EFHD1: variants seen among roughly 807,000 people sequenced by gnomAD.
EFHD1 encodes the protein EF-hand domain family member D1.
A neutral mutation model predicts 17.2 loss-of-function variants in EFHD1; 10 were observed. The observed-to-expected ratio is 0.58, with a 90% CI of 0.36 to 0.99. The LOEUF is 0.99. Ranked by LOEUF, EFHD1 falls within the 50% of genes least tolerant of loss-of-function variation. The pLI, the probability that EFHD1 is intolerant of heterozygous loss-of-function variation, is 0.01. For missense variants in EFHD1, 310 were observed against 327.5 expected (o/e 0.95, Z 0.41); for synonymous variants, 153 against 142.0 (o/e 1.08, Z -0.55).
intron 1 of EFHD1, among the ~76,000 whole-genome samples, chr2:232,658,877 T>A (rs1329786268): frequency 6.6e-6 from 1 of 152,100 alleles, no homozygotes; most frequent in Admixed American, 6.6e-5. Flanking sequence ...CACTGTACAG[T>A]GAATTTTATG....
At chr2:232,657,894 C>CTTTTTTTTT (rs1165865773) in intron 1 of EFHD1, among the ~76,000 whole-genome samples, 2 of 118,684 alleles carry the variant, frequency 1.7e-5, no homozygotes, top group South Asian at 2.8e-4. Context: ...ATTTTTCTTT[C>CTTTTTTTTT]TTTTCTTTTT....
chr2:232,626,115 C>T lies in EFHD1; in HGVS notation c.14+19942C>T, dbSNP rs1688749000. Among the ~76,000 whole-genome samples, 4 of 152,110 alleles carry T rather than the reference C, an allele frequency of 2.6e-5. No individual in the cohort carries two copies. The South Asian group carries it at 8.3e-4, about 32-fold the overall frequency. ...GCTAAGGTAGGAGGATTGCTTGATC[C>T]CGGGAGGTTGAGGCTGCAGTGAGCC... On this transcript the variant is annotated intron_variant, in intron 1 of 3. Coordinates refer to the EFHD1 transcript ENST00000409613.
chr2:232,625,337 C>T lies in EFHD1; in HGVS notation c.14+19164C>T, dbSNP rs137968491. 6.2e-4 allele frequency among the ~76,000 whole-genome samples: 94 copies of T among 151,208 alleles called. 1 individual carries two copies. Among genetic ancestry groups the T allele is most frequent in the Middle Eastern group, 3.4e-3 (1 of 292 alleles). On this transcript the variant is annotated intron_variant, in intron 1 of 3. Coordinates refer to the EFHD1 transcript ENST00000409613. The stretch of plus-strand genomic sequence containing the variant: ...TTTTTTTGGCAGAGATGGGATCTCG[C>T]TATGTTGCCCAGGACTGGTCTTGAA...
chr2:232,653,981 C>T (rs1305678247), intron 1 of EFHD1, among the ~76,000 whole-genome samples: 43 of 152,024 alleles, frequency 2.8e-4, no homozygotes, highest in Non-Finnish European at 5.9e-5. Context: ...CCGAGGCAGG[C>T]AGATCACCTG....
intron 1 of EFHD1, 21 bp downstream of exon 1, chr2:232,634,027 C>A: frequency 1.3e-6 from 2 of 1,596,264 alleles, no homozygotes; most frequent in Middle Eastern, 3.4e-4. Flanking sequence ...GCTGCGCGCC[C>A]TTCGCCCCCG....
At chr2:232,647,165 C>T (rs1280125885) in intron 1 of EFHD1, among the ~76,000 whole-genome samples, 1 of 152,262 alleles carries the variant, frequency 6.6e-6, no homozygotes, top group African/African-American at 2.4e-5. Flanking sequence ...TTAATTAGGG[C>T]ACTTATGTTC....
At chr2:232,677,408 A>G (rs1016729181) in intron 3 of EFHD1, among the ~76,000 whole-genome samples, 2 of 149,550 alleles carry the variant, frequency 1.3e-5, no homozygotes, top group African/African-American at 4.9e-5. Context: ...GAAAATGGAC[A>G]CTGATTTTTC....
At chr2:232,674,294 A>G (rs1023651426) in intron 3 of EFHD1, among the ~76,000 whole-genome samples, 2 of 152,230 alleles carry the variant, frequency 1.3e-5, no homozygotes, top group Non-Finnish European at 2.9e-5. Context: ...TTCCATTATC[A>G]GGGAAGTGAG....
intron 1 of EFHD1, among the ~76,000 whole-genome samples, chr2:232,610,285 C>T (rs1693789264): frequency 6.6e-6 from 1 of 152,238 alleles, no homozygotes; most frequent in Non-Finnish European, 1.5e-5. Flanking sequence ...ACGGAAAGCC[C>T]TCCCATCCCT....
exon 1 of EFHD1, chr2:232,606,074 A>G: frequency 6.9e-7 from 1 of 1,452,328 alleles, no homozygotes; most frequent in African/African-American, 1.4e-5. Flanking sequence ...GCAGGCGGAT[A>G]CCCCGGCCTT....
At chr2:232,673,615 C>T (rs1695117921) in intron 3 of EFHD1, among the ~76,000 whole-genome samples, 1 of 152,156 alleles carries the variant, frequency 6.6e-6, no homozygotes, top group South Asian at 2.1e-4. Flanking sequence ...CCCTGGGCTG[C>T]TTTCCCTGAC....
rs73995852 is a variant in EFHD1, at chr2:232,649,243, C to T, written c.303-13559C>T. 7.8e-3 allele frequency among the ~76,000 whole-genome samples: 1,188 copies of T among 152,324 alleles called. 20 individuals are homozygous for T. Among genetic ancestry groups the T allele is most frequent in the African/African-American group, 0.026 (1,100 of 41,554 alleles). On this transcript the variant is annotated intron_variant, in intron 1 of 3. Coordinates refer to ENST00000264059, the MANE Select transcript of EFHD1 (RefSeq NM_025202.4). ...GGTGGGGTTGGGGTCGGAGTCACCTCGGGCCCTTTGGCGGATCTGGGGGCT... is the reference window on the plus strand; with the variant it reads ...GGTGGGGTTGGGGTCGGAGTCACCTTGGGCCCTTTGGCGGATCTGGGGGCT...
chr2:232,641,715 C>T (rs1175119353), intron 1 of EFHD1, among the ~76,000 whole-genome samples: 2 of 152,230 alleles, frequency 1.3e-5, no homozygotes, highest in Non-Finnish European at 2.9e-5. Context: ...TTAGCCAGCC[C>T]CCATGCTAGG....
chr2:232,655,802 CT>C (rs66762860), intron 1 of EFHD1, among the ~76,000 whole-genome samples: 4,345 of 132,626 alleles, frequency 0.033, 97 homozygotes, highest in African/African-American at 0.13. Context: ...TGTGTGGGGT[CT>C]TTTTTTTTTT....
intron 3 of EFHD1, among the ~76,000 whole-genome samples, chr2:232,679,606 C>G (rs966845341): frequency 6.6e-6 from 1 of 151,024 alleles, no homozygotes; most frequent in Admixed American, 6.6e-5. Context: ...CCTAGCTGCT[C>G]AGGATGCTGA....
At chr2:232,674,768 A>G (rs753591549) in intron 3 of EFHD1, among the ~76,000 whole-genome samples, 3 of 152,152 alleles carry the variant, frequency 2.0e-5, no homozygotes, top group Non-Finnish European at 2.9e-5. Context: ...CATTTGTGAC[A>G]GATGTTCCAA....
At chr2:232,626,591 A>C (rs1261768432) in intron 1 of EFHD1, among the ~76,000 whole-genome samples, 3 of 152,168 alleles carry the variant, frequency 2.0e-5, no homozygotes. Flanking sequence ...TTGATCCTTA[A>C]GTACACACCT....
At position 232,634,067 on chromosome 2, in the gene EFHD1, G is replaced by C; in HGVS notation, c.302+61G>C. 1.9e-6 allele frequency: 3 copies of C among 1,584,288 alleles called. No individual in the cohort carries two copies. In the South Asian group the frequency reaches 3.3e-5, roughly 18 times the overall value. Reference sequence around the variant, plus strand: ...CAGGGAGGGAGCGGGAGGGCTTTCTGGTCCGAAGTCCCGGGCCCTGTTTGT... The same window carrying C: ...CAGGGAGGGAGCGGGAGGGCTTTCTCGTCCGAAGTCCCGGGCCCTGTTTGT... On this transcript the variant is annotated intron_variant, in intron 1 of 3. Transcript: ENST00000264059.
chr2:232,636,245 T>A (rs1694318443), intron 1 of EFHD1, among the ~76,000 whole-genome samples: 1 of 152,194 alleles, frequency 6.6e-6, no homozygotes, highest in South Asian at 2.1e-4. Flanking sequence ...AGCAGTCTTG[T>A]GAGGCTGTGA....
Sources: allele counts gnomAD v4.1 joint callset (sites outside exome capture counted in the v4.1 genomes callset), GRCh38; gene constraint gnomAD v4.1.1; transcripts MANE v1.5; gene names NCBI Gene and HGNC (gene_info 2026-07-23, HGNC 2026-07-21).